The following ZNF35 variants were observed in gnomAD, a reference collection of about 807,000 sequenced individuals.
The protein encoded by ZNF35 is zinc finger protein 35, also known as zinc finger protein 35 (clone HF.10).
Under a neutral mutation model 45.9 loss-of-function variants are expected in ZNF35, and 31 were observed. The observed-to-expected ratio is 0.68, with a 90% CI of 0.51 to 0.91. ZNF35 has a LOEUF of 0.91. ZNF35 is among the 40% of genes least tolerant of loss of function. The pLI is 0.00. For missense variants in ZNF35, 515 were observed against 625.4 expected (o/e 0.82, Z 1.88); for synonymous variants, 205 against 220.2 (o/e 0.93, Z 0.61).
intron 1 of ZNF35, among the ~76,000 whole-genome samples, chr3:44,650,444 C>A (rs1353986602): frequency 1.3e-5 from 2 of 152,034 alleles, no homozygotes; most frequent in African/African-American, 4.8e-5. Flanking sequence ...GTATCCTTGG[C>A]AATAAAAAAT....
chr3:44,659,060 C>CA lies in ZNF35; in HGVS notation c.698dup (p.Ser234GlufsTer18). The CA allele has an allele frequency of 6.2e-7, 1 of 1,614,220 alleles. No individual in the cohort carries two copies. The highest frequency in any genetic ancestry group is 8.5e-7 in the Non-Finnish European group (1 of 1,180,052). On this transcript the variant is annotated frameshift_variant, in exon 4 of 4. Transcript: ENST00000396056. LOFTEE classifies it high-confidence loss of function. The surrounding 1 kb of genome is among the most constrained non-coding windows in gnomAD (Gnocchi z 4.3). The stretch of plus-strand genomic sequence containing the variant: ...TAGCGTGTGTGGGAAAGGATTTAGT[C>CA]AGAGTGCAAACCTCGTTGTGCATCA...
In ZNF35 at chr3:44,658,828, T is replaced by C. The variant is rs1350919161; in HGVS notation, c.465T>C (p.Ala155=). 2 of 1,613,468 alleles carry C rather than the reference T, an allele frequency of 1.2e-6. No individual in the cohort carries two copies. Among genetic ancestry groups the C allele is most frequent in the South Asian group, 1.1e-5 (1 of 90,840 alleles). The change falls in exon 4 of 4, where the codon GCT becomes GCC. Residue 155 remains alanine, a synonymous_variant. Coordinates refer to ENST00000396056, the MANE Select transcript of ZNF35 (RefSeq NM_003420.4). ...ADPQGPELGE[A]CEKGNMLKRQ... ...CTCAAGGACCTGAGTTAGGAGAAGC[T>C]TGTGAAAAGGGAAACATGTTAAAGA...
chr3:44,649,266 G>A (rs1462957605), intron 1 of ZNF35, among the ~76,000 whole-genome samples: 1 of 152,192 alleles, frequency 6.6e-6, no homozygotes, highest in African/African-American at 2.4e-5. Flanking sequence ...TAGTCTTAAG[G>A]ACCTTCATAC....
At chr3:44,646,530 C>T, upstream of ZNF35, 1 of 1,425,426 alleles carries the variant, frequency 7.0e-7, no homozygotes. Context: ...AAATAAAAGA[C>T]ACCACGAGAA....
intron 1 of ZNF35, 43 bp downstream of exon 1, chr3:44,648,877 A>T (rs910880725): frequency 2.4e-4 from 36 of 152,286 alleles, no homozygotes; most frequent in African/African-American, 8.7e-4. Context: ...TCGAGGGAGA[A>T]AAAGGGGCTC....
At chr3:44,649,236 T>C (rs556229620) in intron 1 of ZNF35, among the ~76,000 whole-genome samples, 2 of 152,210 alleles carry the variant, frequency 1.3e-5, no homozygotes, top group South Asian at 4.1e-4. Context: ...CTGTAGGCAG[T>C]CTTATACACA....
Position 44,659,918 on chromosome 3 carries a change from C to T in ZNF35, c.1555C>T (p.Arg519Ter), listed in dbSNP as rs148645131. Residue 519 changes from arginine (R) to a stop codon, truncating the protein, a stop_gained, in exon 4 of 4, where the codon CGA becomes TGA. Transcript: ENST00000396056. LOFTEE classifies it high-confidence loss of function. The surrounding 1 kb of genome is among the most constrained non-coding windows in gnomAD (Gnocchi z 4.3). ...AAFISNSHLM[R>*]HHRTHLVE is the part of the protein sequence containing the mutation. ...TTTCATTTCCAACTCACACCTCATG[C>T]GACACCATAGAACCCATCTTGTTGA... 1.8e-5 allele frequency: 29 copies of T among 1,581,378 alleles called. No homozygotes were observed. Among genetic ancestry groups the T allele is most frequent in the East Asian group, 9.0e-5 (4 of 44,608 alleles).
At chr3:44,654,605 A>G (rs1190403236) in intron 3 of ZNF35, among the ~76,000 whole-genome samples, 3 of 152,118 alleles carry the variant, frequency 2.0e-5, no homozygotes, top group African/African-American at 7.2e-5. Flanking sequence ...GTGCTTTGGA[A>G]ATTGTGATGT....
chr3:44,658,350 A>C (rs150890994), intron 3 of ZNF35, among the ~76,000 whole-genome samples: 75 of 152,362 alleles, frequency 4.9e-4, no homozygotes, highest in African/African-American at 1.7e-3. Context: ...TGTGTCCTTC[A>C]TAACTGGTCT....
intron 2 of ZNF35, 115 bp downstream of exon 2, chr3:44,651,374 T>C: frequency 1.0e-6 from 1 of 979,434 alleles, no homozygotes; most frequent in Non-Finnish European, 1.5e-6. Context: ...TGGGTACAAT[T>C]CTAGCTTCCA....
At chr3:44,647,800 G>C (rs1703044514), upstream of ZNF35, 1 of 152,142 alleles carries the variant, frequency 6.6e-6, no homozygotes, top group Non-Finnish European at 1.5e-5. Flanking sequence ...GGGATGGTGG[G>C]AGGAAAAATG....
chr3:44,654,744 T>C (rs76130460), intron 3 of ZNF35, among the ~76,000 whole-genome samples: 1 of 152,240 alleles, frequency 6.6e-6, no homozygotes, highest in East Asian at 1.9e-4. Context: ...TTTTACTTCA[T>C]CCATACATCT....
At position 44,650,316 on chromosome 3, in the gene ZNF35, TGAAAA is replaced by T. The variant is rs376044893; in HGVS notation, c.-127-621_-127-617del. 8.4e-4 allele frequency among the ~76,000 whole-genome samples: 128 copies of T among 152,118 alleles called. 1 individual carries two copies. The highest frequency in any genetic ancestry group is 2.9e-3 in the African/African-American group (122 of 41,512). On this transcript the variant is annotated intron_variant, in intron 1 of 3. Coordinates refer to ENST00000396056, the MANE Select transcript of ZNF35 (RefSeq NM_003420.4). ...AAATGTAAAAATCAAACAAAAAAAA[TGAAAA>T]GAACCTTAAAACTACCTGTAATTAC...
chr3:44,653,981 C>T (rs998744014), intron 3 of ZNF35, among the ~76,000 whole-genome samples: 1 of 152,224 alleles, frequency 6.6e-6, no homozygotes, highest in Non-Finnish European at 1.5e-5. Context: ...AGACAAGGAT[C>T]TCCACCTAGA....
rs754504731 is a variant in ZNF35 at position 44,652,654 on chromosome 3, T to C, written c.290T>C (p.Leu97Pro). Residue 97 changes from leucine to proline, a missense_variant, in exon 3 of 4, where the codon CTG (leucine) becomes CCG (proline). This residue lies in a region of ZNF35 where 275 missense variants were observed against 295.7 expected (regional missense o/e 0.93). Transcript: ENST00000396056. ...GGCAGCTACTCATTACCAGGGACTC[T>C]GGCCAAGAGTGAGATACTGGAGACT... ...TLGSYSLPGTLAKSEILETHG... is the reference protein window; with the variant it reads ...TLGSYSLPGTPAKSEILETHG... 21 of 1,610,924 alleles carry C rather than the reference T, an allele frequency of 1.3e-5. No homozygotes were observed. Among genetic ancestry groups the C allele is most frequent in the Admixed American group, 1.7e-5 (1 of 59,452 alleles).
At chr3:44,658,534 G>C (rs970274815) in intron 3 of ZNF35, among the ~76,000 whole-genome samples, 167 bp from the exon 4 acceptor site, 5 of 152,248 alleles carry the variant, frequency 3.3e-5, no homozygotes, top group Admixed American at 3.3e-4. Context: ...CAAAGCCCCA[G>C]CTGAAGAACC....
In ZNF35 at chr3:44,659,410, C is replaced by T. The variant is rs1359914230; in HGVS notation, c.1047C>T (p.Leu349=). The change falls in exon 4 of 4, where the codon CTC becomes CTT. Residue 349 remains leucine (L), a synonymous_variant. Coordinates refer to ENST00000396056, the MANE Select transcript of ZNF35 (RefSeq NM_003420.4). The surrounding 1 kb of genome is among the most constrained non-coding windows in gnomAD (Gnocchi z 4.3). The part of the protein sequence containing the change: ...CGKTFTRSSN[L]IVHQRIHTGE... ...AAACATTTACTAGGAGCTCAAACCTCATTGTCCACCAGAGGATCCACACTG... is the reference window on the plus strand; with the variant it reads ...AAACATTTACTAGGAGCTCAAACCTTATTGTCCACCAGAGGATCCACACTG... The T allele has an allele frequency of 6.2e-7, 1 of 1,612,204 alleles. No individual in the cohort carries two copies. Among genetic ancestry groups the T allele is most frequent in the Non-Finnish European group, 8.5e-7 (1 of 1,179,160 alleles).
chr3:44,648,124 T>A (rs1703064594), upstream of ZNF35: 1 of 152,136 alleles, frequency 6.6e-6, no homozygotes. Flanking sequence ...TGAAACTGAT[T>A]TGAAAAAAAG....
In ZNF35 at chr3:44,659,203, C is replaced by G; in HGVS notation, c.840C>G (p.Cys280Trp). The change falls in exon 4 of 4, where the codon TGC becomes TGG. Residue 280 changes from cysteine (C) to tryptophan (W), a missense_variant. Physicochemically the swap from Cys to Trp is radical, Grantham distance 215. Coordinates refer to ENST00000396056, the MANE Select transcript of ZNF35 (RefSeq NM_003420.4). The surrounding 1 kb of genome is among the most constrained non-coding windows in gnomAD (Gnocchi z 4.3). ...ACACTGGACAGAAACCTTATGTTTG[C>G]TCAAAATGTGGGAAAGCCTTCACTC... The part of the protein sequence containing the change: ...RIHTGQKPYV[C>W]SKCGKAFTQS... The G allele has an allele frequency of 6.2e-7, 1 of 1,614,018 alleles. No homozygotes were observed. Among genetic ancestry groups the G allele is most frequent in the Non-Finnish European group, 8.5e-7 (1 of 1,179,998 alleles).
Sources: allele counts gnomAD v4.1 joint callset (sites outside exome capture counted in the v4.1 genomes callset), GRCh38; gene constraint gnomAD v4.1.1; regional missense constraint gnomAD v4.1.1; non-coding constraint Gnocchi (gnomAD v3.1); transcripts MANE v1.5; gene names NCBI Gene and HGNC (gene_info 2026-07-23, HGNC 2026-07-21).